The following FGF14 variants were observed in gnomAD, a reference collection of about 807,000 sequenced individuals.
FGF14 encodes the protein fibroblast growth factor homologous factor 4.
In FGF14, 5 loss-of-function variants were observed where a neutral mutation model predicts 25.5. The ratio of observed to expected loss-of-function variants is 0.20; its 90% CI spans 0.10 to 0.41. The LOEUF (loss-of-function observed/expected upper bound fraction) is 0.41. Among genes scored for constraint, FGF14 ranks in the 10% least tolerant of loss-of-function variants. The pLI, the probability that FGF14 is intolerant of heterozygous loss-of-function variation, is 1.00. For synonymous variants in FGF14, 138 were observed against 118.3 expected, an observed-to-expected ratio of 1.17 and a Z score of -1.08; for missense variants, 222 against 320.1, an observed-to-expected ratio of 0.69 and a Z score of 2.34.
intron 3 of FGF14, among the ~76,000 whole-genome samples, chr13:101,826,160 A>G (rs2042384660): frequency 1.3e-5 from 2 of 152,136 alleles, no homozygotes; most frequent in African/African-American, 4.8e-5. Flanking sequence ...TTTCTTTCTC[A>G]CCGTTAAAAC....
chr13:102,003,928 G>C (rs187826571), intron 1 of FGF14, among the ~76,000 whole-genome samples: 1 of 152,010 alleles, frequency 6.6e-6, no homozygotes. Flanking sequence ...AAGAAATCCC[G>C]GCTTTTCAAC....
intron 1 of FGF14, among the ~76,000 whole-genome samples, chr13:101,924,443 A>AT (rs530862413): frequency 8.4e-4 from 128 of 152,276 alleles, no homozygotes; most frequent in African/African-American, 2.8e-3. Context: ...TAAAATAGTG[A>AT]TTTTTTTAAA....
At chr13:101,820,800 AC>A (rs1358817419) in intron 3 of FGF14, among the ~76,000 whole-genome samples, 2,066 of 71,164 alleles carry the variant, frequency 0.029, 59 homozygotes, top group African/African-American at 0.076. Context: ...ACACACACAC[AC>A]ACACAACACA....
chr13:102,378,145 T>C lies in FGF14; in HGVS notation c.208+23326A>G, dbSNP rs2058083409. ...TAATGGTGAATACATTATATATTTGTCTAAACCCATGGAGCACACAACACC... is the reference window on the plus strand; with the variant it reads ...TAATGGTGAATACATTATATATTTGCCTAAACCCATGGAGCACACAACACC... On this transcript the variant is annotated intron_variant, in intron 1 of 4. Coordinates refer to the FGF14 transcript ENST00000376131. Among the ~76,000 whole-genome samples, 3 of 152,160 alleles carry C rather than the reference T, an allele frequency of 2.0e-5. No homozygotes were observed. The South Asian group carries it at 6.2e-4, about 31-fold the overall frequency.
chr13:101,899,481 A>C (rs1184856646), intron 1 of FGF14, among the ~76,000 whole-genome samples: 1 of 152,058 alleles, frequency 6.6e-6, no homozygotes, highest in African/African-American at 2.4e-5. Flanking sequence ...TGGAAAGGTA[A>C]ATTCAATGGA....
intron 1 of FGF14, among the ~76,000 whole-genome samples, chr13:102,280,896 G>C (rs1483360566): frequency 6.6e-6 from 1 of 152,128 alleles, no homozygotes; most frequent in Non-Finnish European, 1.5e-5. Flanking sequence ...TTGAGAGTTT[G>C]GGTCAACTCT....
intron 1 of FGF14, among the ~76,000 whole-genome samples, chr13:102,358,825 T>C (rs953230776): frequency 2.6e-4 from 40 of 152,186 alleles, no homozygotes; most frequent in Non-Finnish European, 5.4e-4. Flanking sequence ...TCTTCATTAG[T>C]CAGATTCAGA....
chr13:102,039,604 G>C (rs1324550223), intron 1 of FGF14, among the ~76,000 whole-genome samples: 1 of 152,134 alleles, frequency 6.6e-6, no homozygotes, highest in Non-Finnish European at 1.5e-5. Context: ...AGATGTGCCT[G>C]TGTCCAAATG....
intron 1 of FGF14, among the ~76,000 whole-genome samples, chr13:102,091,996 G>C (rs1306780221): frequency 6.6e-6 from 1 of 152,154 alleles, no homozygotes; most frequent in South Asian, 2.1e-4. Flanking sequence ...CTGGTGATAA[G>C]TTTATATATA....
chr13:102,254,183 A>G (rs2052333473), intron 1 of FGF14, among the ~76,000 whole-genome samples: 1 of 152,228 alleles, frequency 6.6e-6, no homozygotes, highest in Admixed American at 6.5e-5. Context: ...CCAAAAATAT[A>G]ACATGGATAG....
intron 1 of FGF14, among the ~76,000 whole-genome samples, chr13:102,148,797 A>G (rs560347965): frequency 9.8e-5 from 15 of 152,298 alleles, no homozygotes; most frequent in Non-Finnish European, 2.1e-4. Flanking sequence ...TCTCAAAAAA[A>G]TAATTAATTA....
rs572368321 is a variant in FGF14, at chr13:101,850,173, C to T, written c.408+18552G>A. On this transcript the variant is annotated intron_variant, in intron 3 of 4. Transcript: ENST00000376143. The stretch of plus-strand genomic sequence containing the variant: ...TTCTGGCCAGGCACGCTGGCTCACA[C>T]CTATAATCCCAGCACTTTGGGAGGC... Among the ~76,000 whole-genome samples the T allele has an allele frequency of 4.0e-5, 6 of 149,786 alleles. No individual in the cohort carries two copies. In the Admixed American group the frequency reaches 4.0e-4, roughly 10 times the overall value.
chr13:101,839,946 A>G (rs2043116403), intron 3 of FGF14, among the ~76,000 whole-genome samples: 1 of 151,952 alleles, frequency 6.6e-6, no homozygotes. Flanking sequence ...AATAAAATCA[A>G]TTTCACTCGG....
intron 1 of FGF14, among the ~76,000 whole-genome samples, chr13:102,004,792 T>G (rs966580536): frequency 6.6e-6 from 1 of 152,180 alleles, no homozygotes; most frequent in Non-Finnish European, 1.5e-5. Flanking sequence ...GTTCTCATGA[T>G]AGTGAGTGAA....
chr13:102,189,724 C>T (rs774425966), intron 1 of FGF14, among the ~76,000 whole-genome samples: 18 of 152,062 alleles, frequency 1.2e-4, no homozygotes, highest in Non-Finnish European at 2.1e-4. Flanking sequence ...TTTTATTTGG[C>T]TCATGGTTCT....
intron 1 of FGF14, among the ~76,000 whole-genome samples, chr13:102,159,408 A>G (rs543629878): frequency 6.6e-6 from 1 of 152,330 alleles, no homozygotes; most frequent in African/African-American, 2.4e-5. Flanking sequence ...GCATCAGTAC[A>G]GAGTACAAAA....
intron 1 of FGF14, among the ~76,000 whole-genome samples, chr13:102,225,055 G>C (rs542730605): frequency 6.6e-6 from 1 of 152,156 alleles, no homozygotes; most frequent in South Asian, 2.1e-4. Flanking sequence ...AACAGCACAT[G>C]CTTCCCCACG....
At chr13:102,221,633 C>CAT (rs1048293591) in intron 1 of FGF14, among the ~76,000 whole-genome samples, 2 of 151,812 alleles carry the variant, frequency 1.3e-5, no homozygotes, top group East Asian at 1.9e-4. Context: ...AACACACACA[C>CAT]ACACACACAC....
At chr13:102,091,151 TG>T (rs1239116224) in intron 1 of FGF14, among the ~76,000 whole-genome samples, 1 of 152,154 alleles carries the variant, frequency 6.6e-6, no homozygotes, top group Admixed American at 6.5e-5. Context: ...TTATACCAGA[TG>T]ATGTGGTTAT....
Sources: allele counts gnomAD v4.1 joint callset (sites outside exome capture counted in the v4.1 genomes callset), GRCh38; gene constraint gnomAD v4.1.1; transcripts MANE v1.5; gene names NCBI Gene and HGNC (gene_info 2026-07-23, HGNC 2026-07-21).